Variants in CFAP57 observed in about 807,000 individuals in gnomAD.
The protein encoded by CFAP57 is cilia- and flagella-associated protein 57.
CFAP57 carries 116 observed loss-of-function variants against 146.8 expected under a neutral mutation model. The ratio of observed to expected loss-of-function variants is 0.79; its 90% confidence interval spans 0.68 to 0.92. The LOEUF (loss-of-function observed/expected upper bound fraction) is 0.92. Ranked by LOEUF, CFAP57 falls within the 40% of genes least tolerant of loss-of-function variation. The pLI, the probability that CFAP57 is intolerant of heterozygous loss-of-function variation, is 0.00. For synonymous variants in CFAP57, 518 were observed against 552.8 expected (o/e 0.94, Z 0.88); for missense variants, 1,377 against 1,527.2 (o/e 0.90, Z 1.64).
chr1:43,222,827 C>T lies in CFAP57; in HGVS notation c.2536C>T (p.Gln846Ter). ...ACGCCCACTCTCTCTGAGCCAGGCA[C>T]AGGAAGACGTCAGGCAGCAGCTGCG... ...QEKTTLLEEA[Q>*]EDVRQQLREF... is the part of the protein sequence containing the mutation. The change falls in exon 16 of 23, where the codon CAG becomes TAG. Residue 846 changes from glutamine to a stop codon, truncating the protein, a stop_gained. Transcript: ENST00000372492. LOFTEE classifies it high-confidence loss of function. 1 of 1,540,474 alleles carries T rather than the reference C, an allele frequency of 6.5e-7. No homozygotes were observed. Among genetic ancestry groups the T allele is most frequent in the Non-Finnish European group, 8.8e-7 (1 of 1,141,922 alleles).
Position 43,181,812 on chromosome 1 carries a change from A to G in CFAP57, c.436A>G (p.Ile146Val), listed in dbSNP as rs146670673. 218 of 1,614,216 alleles carry G rather than the reference A, an allele frequency of 1.4e-4. No individual in the cohort carries two copies. The highest frequency in any genetic ancestry group is 1.2e-3 in the African/African-American group (87 of 75,066). ...GTGGGAAAAACAGAAAGTAATGGCC[A>G]TTGTTAGAATCGACACTCAGAACAA... ...WLWEKQKVMAIVRIDTQNNPV... is the reference protein window; with the variant it reads ...WLWEKQKVMAVVRIDTQNNPV... The change falls in exon 3 of 23, where the codon ATT becomes GTT. Residue 146 changes from isoleucine (I) to valine (V), a missense_variant. Coordinates refer to ENST00000372492, the MANE Select transcript of CFAP57 (RefSeq NM_001378189.1).
chr1:43,181,239 T>G (rs1426640550), intron 2 of CFAP57, among the ~76,000 whole-genome samples: 1 of 152,116 alleles, frequency 6.6e-6, no homozygotes, highest in Non-Finnish European at 1.5e-5. Context: ...ACCCGGCTAA[T>G]TTTTTTATTT....
intron 5 of CFAP57, among the ~76,000 whole-genome samples, chr1:43,186,483 C>T (rs1199825745): frequency 1.1e-4 from 17 of 151,812 alleles, no homozygotes; most frequent in Non-Finnish European, 2.4e-4. Flanking sequence ...CGGTGGTGGG[C>T]GGCTGTTGTC....
intron 16 of CFAP57, among the ~76,000 whole-genome samples, chr1:43,223,514 G>A (rs1216439325): frequency 6.6e-6 from 1 of 152,128 alleles, no homozygotes; most frequent in South Asian, 2.1e-4. Flanking sequence ...CACCATCAGG[G>A]GTGAGGGAGG....
chr1:43,176,128 C>A (rs749855716), intron 2 of CFAP57, among the ~76,000 whole-genome samples: 8 of 152,078 alleles, frequency 5.3e-5, no homozygotes, highest in Non-Finnish European at 8.8e-5. Context: ...AAGCAACCAC[C>A]CTGTGCCCAT....
Position 43,227,112 on chromosome 1 carries a change from G to A in CFAP57, c.2995G>A (p.Glu999Lys). 2 of 1,536,752 alleles carry A rather than the reference G, an allele frequency of 1.3e-6. No individual in the cohort carries two copies. Among genetic ancestry groups the A allele is most frequent in the Non-Finnish European group, 1.8e-6 (2 of 1,140,522 alleles). Residue 999 changes from glutamate (E) to lysine (K), a missense_variant, in exon 18 of 23, where the codon GAA becomes AAA. Physicochemically the swap from Glu to Lys is moderately conservative, Grantham distance 56. Transcript: ENST00000372492. ...PRENEIRVMKEQIQEMEAELE... is the reference protein window; with the variant it reads ...PRENEIRVMKKQIQEMEAELE... The stretch of plus-strand genomic sequence containing the variant: ...AGAGAATGAGATCAGGGTGATGAAG[G>A]AACAGATTCAGGAGGTAAGAAGCCA...
At position 43,181,616 on chromosome 1, in the gene CFAP57, A is replaced by T; in HGVS notation, c.240A>T (p.Glu80Asp). 6.2e-7 allele frequency: 1 copy of T among 1,614,238 alleles called. No individual in the cohort carries two copies. Among genetic ancestry groups the T allele is most frequent in the Non-Finnish European group, 8.5e-7 (1 of 1,180,040 alleles). ...RYLAISETVQEKPAITIYELS... is the reference protein window; with the variant it reads ...RYLAISETVQDKPAITIYELS... ...TCGCTATCTCTGAGACTGTGCAAGAAAAACCTGCCATCACCATTTATGAAT... is the reference window on the plus strand; with the variant it reads ...TCGCTATCTCTGAGACTGTGCAAGATAAACCTGCCATCACCATTTATGAAT... The change falls in exon 3 of 23, where the codon GAA (glutamate) becomes GAT (aspartate). Residue 80 changes from glutamate to aspartate, a missense_variant. Glu to Asp is a conservative substitution (Grantham distance 45, BLOSUM62 2). Coordinates refer to ENST00000372492, the MANE Select transcript of CFAP57 (RefSeq NM_001378189.1).
chr1:43,178,908 G>A (rs1156883503), intron 2 of CFAP57, among the ~76,000 whole-genome samples: 1 of 152,120 alleles, frequency 6.6e-6, no homozygotes, highest in African/African-American at 2.4e-5. Context: ...ACGATAGACT[G>A]GATTAAGAAA....
At chr1:43,183,055 T>A (rs1196813581) in intron 3 of CFAP57, among the ~76,000 whole-genome samples, 1 of 152,242 alleles carries the variant, frequency 6.6e-6, no homozygotes, top group Non-Finnish European at 1.5e-5. Flanking sequence ...TACTCTACAG[T>A]GTGGTGCTGT....
rs1557728331 is a variant in CFAP57 at position 43,181,568 on chromosome 1, C to T, written c.192C>T (p.Ser64=). The T allele has an allele frequency of 6.2e-7, 1 of 1,614,178 alleles. No homozygotes were observed. The highest frequency in any genetic ancestry group is 2.2e-5 in the East Asian group (1 of 44,894). ...SEKSQGMLAL[S]ISPNRRYLAI... The stretch of plus-strand genomic sequence containing the variant: ...AGAGTCAGGGCATGTTGGCCTTGTC[C>T]ATCAGTCCCAATCGGCGGTACCTCG... Residue 64 remains serine, a synonymous_variant, in exon 3 of 23, where the codon TCC becomes TCT. Transcript: ENST00000372492.
intron 18 of CFAP57, chr1:43,232,193 G>A (rs949050862): frequency 1.7e-5 from 11 of 639,056 alleles, no homozygotes; most frequent in Non-Finnish European, 2.3e-5. Context: ...GTGCTTGGGT[G>A]TCACCAATTT....
chr1:43,218,005 G>C (rs1009551110), intron 12 of CFAP57, among the ~76,000 whole-genome samples: 1 of 152,158 alleles, frequency 6.6e-6, no homozygotes, highest in African/African-American at 2.4e-5. Context: ...CTCTGACTTT[G>C]CACGTGCAAT....
intron 19 of CFAP57, among the ~76,000 whole-genome samples, chr1:43,233,816 C>T (rs906613636): frequency 2.6e-5 from 4 of 152,010 alleles, no homozygotes; most frequent in South Asian, 2.1e-4. Flanking sequence ...CTCACAGCAG[C>T]GCTCCTGACT....
In CFAP57 at chr1:43,191,568, C is replaced by T. The variant is rs574134269; in HGVS notation, c.1122+4709C>T. On this transcript the variant is annotated intron_variant, in intron 6 of 22. Coordinates refer to ENST00000372492, the MANE Select transcript of CFAP57 (RefSeq NM_001378189.1). ...TGCCACTGCACTCCAGCATGGGTGA[C>T]AAAGCAAGACTCCGTCTCAAAAAAA... 3.8e-4 allele frequency among the ~76,000 whole-genome samples: 36 copies of T among 93,962 alleles called. No homozygotes were observed. The South Asian group carries it at 9.9e-3, about 26-fold the overall frequency. 61.6% of individuals were successfully genotyped at this position (93,962 alleles called of 152,430 possible).
chr1:43,224,320 G>A (rs572843919), intron 17 of CFAP57, 116 bp downstream of exon 17: 7 of 1,216,700 alleles, frequency 5.8e-6, no homozygotes, highest in Non-Finnish European at 7.7e-6. Flanking sequence ...TTAACTTGAT[G>A]GGGGAACCAG....
chr1:43,172,560 C>T, intron 1 of CFAP57, 107 bp downstream of exon 1: 1 of 778,070 alleles, frequency 1.3e-6, no homozygotes, highest in Non-Finnish European at 1.9e-6. Flanking sequence ...GGAGGAGGAC[C>T]CCGGGGGAGG....
At chr1:43,180,090 C>G (rs1352397226) in intron 2 of CFAP57, among the ~76,000 whole-genome samples, 1 of 151,726 alleles carries the variant, frequency 6.6e-6, no homozygotes, top group East Asian at 1.9e-4. Context: ...CCTGTAATCC[C>G]TGCTACTCGG....
At position 43,183,702 on chromosome 1, in the gene CFAP57, G is replaced by A. The variant is rs762610456; in HGVS notation, c.586G>A (p.Glu196Lys). The A allele has an allele frequency of 6.2e-7, 1 of 1,614,188 alleles. No individual in the cohort carries two copies. Among genetic ancestry groups the A allele is most frequent in the Non-Finnish European group, 8.5e-7 (1 of 1,180,048 alleles). The change falls in exon 4 of 23, where the codon GAA (glutamate) becomes AAA (lysine). Residue 196 changes from glutamate to lysine, a missense_variant. Glu to Lys is a moderately conservative substitution (Grantham distance 56). Transcript: ENST00000372492. Reference protein sequence around the residue: ...TLKQTSFQRGEPQNYLAHTWV... With the variant: ...TLKQTSFQRGKPQNYLAHTWV... Reference sequence around the variant, plus strand: ...GAAGCAAACCAGCTTTCAGAGGGGAGAACCCCAAAACTATCTAGCTCACAC... The same window carrying A: ...GAAGCAAACCAGCTTTCAGAGGGGAAAACCCCAAAACTATCTAGCTCACAC...
intron 21 of CFAP57, among the ~76,000 whole-genome samples, chr1:43,236,768 G>T (rs1347602082): frequency 1.3e-5 from 2 of 151,884 alleles, no homozygotes; most frequent in Non-Finnish European, 2.9e-5. Context: ...AAATTAGCCG[G>T]GCGTGTGGTG....
Sources: gnomAD v4.1 joint callset for allele counts (sites outside exome capture counted in the v4.1 genomes callset) on GRCh38, gnomAD v4.1.1 for gene constraint, MANE v1.5 for transcripts, NCBI Gene and HGNC (gene_info 2026-07-23, HGNC 2026-07-21) for gene names.